The following PPM1H variants were observed in gnomAD, a reference collection of about 807,000 sequenced individuals.
PPM1H encodes the protein protein phosphatase 1H.
In PPM1H, 27 loss-of-function variants were observed where a neutral mutation model predicts 54.9. That is an observed-to-expected ratio of 0.49 (90% CI 0.36 to 0.68). PPM1H has a LOEUF of 0.68. Among genes scored for constraint, PPM1H ranks in the 30% least tolerant of loss-of-function variants. The probability of loss-of-function intolerance (pLI) is 0.00; values close to 1 mark genes in which losing one functional copy is unlikely to be tolerated. For missense variants in PPM1H, 596 were observed against 667.8 expected (o/e 0.89, Z 1.19); for synonymous variants, 305 against 270.8 (o/e 1.13, Z -1.24).
At chr12:62,825,130 T>C (rs998309762) in intron 2 of PPM1H, among the ~76,000 whole-genome samples, 1 of 151,698 alleles carries the variant, frequency 6.6e-6, no homozygotes, top group African/African-American at 2.4e-5. Context: ...AACACACACA[T>C]GAAAAAAATC....
chr12:62,669,124 TA>T (rs1473685486), intron 8 of PPM1H, among the ~76,000 whole-genome samples: 1 of 152,242 alleles, frequency 6.6e-6, no homozygotes, highest in Non-Finnish European at 1.5e-5. Flanking sequence ...CATGCTCACT[TA>T]AGGCTAAACT....
intron 4 of PPM1H, among the ~76,000 whole-genome samples, chr12:62,750,075 A>T (rs1055624523): frequency 6.6e-6 from 1 of 152,352 alleles, no homozygotes; most frequent in Admixed American, 6.5e-5. Context: ...CTCAAAAAAA[A>T]AAAAAAAAGA....
At chr12:62,708,487 T>C (rs1458507166) in intron 6 of PPM1H, among the ~76,000 whole-genome samples, 1 of 152,174 alleles carries the variant, frequency 6.6e-6, no homozygotes, top group Non-Finnish European at 1.5e-5. Context: ...AGAAAATTTA[T>C]CAAGCTCTGG....
At chr12:62,858,561 C>A (rs968747407) in intron 1 of PPM1H, among the ~76,000 whole-genome samples, 2 of 152,204 alleles carry the variant, frequency 1.3e-5, no homozygotes, top group Admixed American at 1.3e-4. Context: ...TCCACACCTC[C>A]ACAGGGCAGA....
At chr12:62,674,824 C>T (rs781445363) in intron 8 of PPM1H, among the ~76,000 whole-genome samples, 1 of 152,206 alleles carries the variant, frequency 6.6e-6, no homozygotes, top group Non-Finnish European at 1.5e-5. Context: ...GTTTGGGCAG[C>T]TTTACCTTGC....
intron 1 of PPM1H, among the ~76,000 whole-genome samples, chr12:62,915,101 T>C (rs1250234329): frequency 6.6e-6 from 1 of 152,242 alleles, no homozygotes; most frequent in East Asian, 1.9e-4. Flanking sequence ...ACAAGGGCGT[T>C]CACAATCTTA....
intron 6 of PPM1H, among the ~76,000 whole-genome samples, chr12:62,696,851 T>G (rs771681387): frequency 3.3e-5 from 5 of 152,172 alleles, no homozygotes; most frequent in Admixed American, 6.5e-5. Context: ...GACTTGGACT[T>G]TTCCGGAAAA....
chr12:62,849,349 CCAA>C (rs1321322578), intron 1 of PPM1H, among the ~76,000 whole-genome samples: 2 of 152,088 alleles, frequency 1.3e-5, no homozygotes, highest in African/African-American at 2.4e-5. Context: ...GTTGAGCCTC[CCAA>C]CAACAAGATA....
chr12:62,832,279 C>A lies in PPM1H; in HGVS notation c.246G>T (p.Glu82Asp). Reference sequence around the variant, plus strand: ...GTGTGCTCTTCCCGGCATTGATAACCCTGGAGAAGAAGCCGGAAAAGCTGG... The same window carrying A: ...GTGTGCTCTTCCCGGCATTGATAACACTGGAGAAGAAGCCGGAAAAGCTGG... ...RRLPWATGYA[E>D]VINAGKSTHN... Residue 82 changes from glutamate (E) to aspartate (D), a missense_variant and splice_region_variant, in exon 2 of 10, where the codon GAG (glutamate) becomes GAT (aspartate). Physicochemically the swap from Glu to Asp is conservative, Grantham distance 45. This residue lies in a region of PPM1H where 382 missense variants were observed against 387.1 expected (regional missense o/e 0.99). Coordinates refer to ENST00000228705, the MANE Select transcript of PPM1H (RefSeq NM_020700.2). 2 of 1,608,910 alleles carry A rather than the reference C, an allele frequency of 1.2e-6. No homozygotes were observed. Among genetic ancestry groups the A allele is most frequent in the Non-Finnish European group, 1.7e-6 (2 of 1,177,560 alleles).
In PPM1H at chr12:62,647,598, C is replaced by T. The variant is rs538428655; in HGVS notation, c.*891G>A. On this transcript the variant is annotated 3_prime_UTR_variant, in exon 10 of 10. Coordinates refer to ENST00000228705, the MANE Select transcript of PPM1H (RefSeq NM_020700.2). ...GAAAATCCAGACTCTCACAGAGAAC[C>T]CTTGAGCCACACAGGAAGACCACTG... is the stretch of plus-strand genomic sequence containing the variant. 3 of 152,386 alleles carry T rather than the reference C, an allele frequency of 2.0e-5. No individual in the cohort carries two copies. Among genetic ancestry groups the T allele is most frequent in the African/African-American group, 7.2e-5 (3 of 41,570 alleles). The allele number at this position is 152,386 out of a possible 1,614,324, so 9.4% of individuals were successfully genotyped here. A position where few individuals can be genotyped will look rare whatever the true frequency, so the allele number is the denominator to read the frequency against.
At chr12:62,786,080 T>G (rs1418866930) in intron 4 of PPM1H, among the ~76,000 whole-genome samples, 3 of 152,144 alleles carry the variant, frequency 2.0e-5, no homozygotes, top group Admixed American at 2.0e-4. Context: ...AAACTCATTT[T>G]AAAGGACAGG....
At chr12:62,672,351 C>T (rs1032452441) in intron 8 of PPM1H, among the ~76,000 whole-genome samples, 3 of 152,224 alleles carry the variant, frequency 2.0e-5, no homozygotes, top group Non-Finnish European at 2.9e-5. Flanking sequence ...AGGAGACAGG[C>T]AACTGACAAA....
intron 4 of PPM1H, among the ~76,000 whole-genome samples, chr12:62,742,109 A>G (rs1454390553): frequency 6.6e-6 from 1 of 152,006 alleles, no homozygotes; most frequent in African/African-American, 2.4e-5. Flanking sequence ...GTAGCAGCTC[A>G]CCATGTTTAC....
chr12:62,772,209 T>A (rs891985599), intron 4 of PPM1H, among the ~76,000 whole-genome samples: 1 of 152,226 alleles, frequency 6.6e-6, no homozygotes, highest in Non-Finnish European at 1.5e-5. Context: ...CTGTGCACCC[T>A]CTCATTAATA....
chr12:62,914,146 T>A (rs1871548056), intron 1 of PPM1H, among the ~76,000 whole-genome samples: 1 of 152,186 alleles, frequency 6.6e-6, no homozygotes, highest in Admixed American at 6.5e-5. Flanking sequence ...CTCTCAAGAA[T>A]GGCTTGGTGC....
At chr12:62,716,034 TAGAA>T (rs1464185278) in intron 6 of PPM1H, among the ~76,000 whole-genome samples, 4 of 152,146 alleles carry the variant, frequency 2.6e-5, no homozygotes, top group Non-Finnish European at 5.9e-5. Context: ...CACACTGTAT[TAGAA>T]AGAACCCCAA....
intron 4 of PPM1H, among the ~76,000 whole-genome samples, chr12:62,764,103 A>G (rs749558991): frequency 4.6e-5 from 7 of 152,178 alleles, no homozygotes; most frequent in Non-Finnish European, 8.8e-5. Context: ...AGATCCAATA[A>G]TACTGAAAAT....
At chr12:62,929,283 A>T (rs1323829119) in intron 1 of PPM1H, among the ~76,000 whole-genome samples, 1 of 152,180 alleles carries the variant, frequency 6.6e-6, no homozygotes, top group Non-Finnish European at 1.5e-5. Context: ...GTAGGAGTGC[A>T]ATGATTTCAT....
rs913823775 is a variant in PPM1H, at chr12:62,644,739, A to G, written c.*3750T>C. On this transcript the variant is annotated 3_prime_UTR_variant, in exon 10 of 10. Transcript: ENST00000228705. ...AGGTGGGCTATGGTGTGCAGGCTGC[A>G]ACCTTTCTCTGCAATTGTTAAGTCT... 1 of 152,232 alleles carries G rather than the reference A, an allele frequency of 6.6e-6. No homozygotes were observed. Among genetic ancestry groups the G allele is most frequent in the African/African-American group, 2.4e-5 (1 of 41,446 alleles). The allele number at this position is 152,232 out of a possible 1,614,324, so 9.4% of individuals were successfully genotyped here.
Sources: gnomAD v4.1 joint callset for allele counts (sites outside exome capture counted in the v4.1 genomes callset) on GRCh38, gnomAD v4.1.1 for gene constraint, gnomAD v4.1.1 regional missense constraint, MANE v1.5 for transcripts, NCBI Gene and HGNC (gene_info 2026-07-23, HGNC 2026-07-21) for gene names.